Variants in RASGRP3 observed in about 807,000 individuals in gnomAD.
The protein encoded by RASGRP3 is ras guanyl-releasing protein 3.
Under a neutral mutation model 82.7 loss-of-function variants are expected in RASGRP3, and 54 were observed. That is an observed-to-expected ratio of 0.65 (90% CI 0.52 to 0.82). RASGRP3 has a LOEUF of 0.82. Ranked by LOEUF, RASGRP3 falls within the 40% of genes least tolerant of loss-of-function variation. RASGRP3 has a pLI of 0.00. For missense variants in RASGRP3, 861 were observed against 828.9 expected (o/e 1.04, Z -0.48); for synonymous variants, 309 against 300.5 (o/e 1.03, Z -0.29).
At chr2:33,474,256 G>A (rs1667227427), upstream of RASGRP3, among the ~76,000 whole-genome samples, 2 of 152,158 alleles carry the variant, frequency 1.3e-5, no homozygotes, top group Non-Finnish European at 2.9e-5. Flanking sequence ...GGAAGTGATT[G>A]GATCTTAGGG....
At chr2:33,548,569 G>C (rs1486918553) in intron 13 of RASGRP3, among the ~76,000 whole-genome samples, 1 of 152,020 alleles carries the variant, frequency 6.6e-6, no homozygotes, top group African/African-American at 2.4e-5. Context: ...CTCTTCCTCT[G>C]AGAGAGGACT....
intron 1 of RASGRP3, among the ~76,000 whole-genome samples, chr2:33,503,771 A>T (rs1349326482): frequency 2.0e-5 from 3 of 152,224 alleles, no homozygotes; most frequent in Admixed American, 1.3e-4. Context: ...AACATAGTAC[A>T]GTTTCTCTTA....
rs1677041754 is a variant in RASGRP3 at position 33,564,580 on chromosome 2, T to C, written c.*1843T>C. 6.6e-6 allele frequency: 1 copy of C among 152,230 alleles called. No individual in the cohort carries two copies. Among genetic ancestry groups the C allele is most frequent in the East Asian group, 1.9e-4 (1 of 5,202 alleles). 9.4% of individuals were successfully genotyped at this position (152,230 alleles called of 1,614,324 possible). Reference sequence around the variant, plus strand: ...CAGGAAGAAACGTGTTAATAAACATTGTACTGTTCTTTTGCTTCTCAAAGG... The same window carrying C: ...CAGGAAGAAACGTGTTAATAAACATCGTACTGTTCTTTTGCTTCTCAAAGG... On this transcript the variant is annotated 3_prime_UTR_variant, in exon 18 of 18. Coordinates refer to ENST00000403687, the MANE Select transcript of RASGRP3 (RefSeq NM_001139488.2).
At position 33,529,487 on chromosome 2, in the gene RASGRP3, C is replaced by A. The variant is rs200743288; in HGVS notation, c.1083+2075C>A. On this transcript the variant is annotated intron_variant, in intron 10 of 17. Transcript: ENST00000403687. ...TGGGCGACAGAGCGAGACTCCATCT[C>A]AAAAAAAAAAAAATTCAGGAGTACA... 2.6e-3 allele frequency among the ~76,000 whole-genome samples: 147 copies of A among 56,996 alleles called. 5 individuals are homozygous for A. The highest frequency in any genetic ancestry group is 0.013 in the Middle Eastern group (1 of 78). The allele number at this position is 56,996 out of a possible 152,430, so 37.4% of individuals were successfully genotyped here.
chr2:33,540,033 G>A (rs1674096527), intron 12 of RASGRP3: 1 of 152,008 alleles, frequency 6.6e-6, no homozygotes, highest in Non-Finnish European at 1.5e-5. Flanking sequence ...GAGTAGAAGT[G>A]CCGATGGGGG....
At chr2:33,522,647 T>C (rs893016709) in intron 7 of RASGRP3, among the ~76,000 whole-genome samples, 1 of 152,214 alleles carries the variant, frequency 6.6e-6, no homozygotes, top group Non-Finnish European at 1.5e-5. Flanking sequence ...TTTCTTTCTC[T>C]GGTCTGTGAT....
At chr2:33,484,808 C>G (rs1035999822) in intron 1 of RASGRP3, among the ~76,000 whole-genome samples, 3 of 152,282 alleles carry the variant, frequency 2.0e-5, no homozygotes, top group African/African-American at 7.2e-5. Flanking sequence ...TAGAAGGTCA[C>G]AAGCCAGTGA....
chr2:33,496,335 C>T (rs1409321134), intron 1 of RASGRP3, among the ~76,000 whole-genome samples: 1 of 152,168 alleles, frequency 6.6e-6, no homozygotes, highest in Non-Finnish European at 1.5e-5. Context: ...ACATCAGAGC[C>T]AGAGTTCTTG....
intron 17 of RASGRP3, 120 bp downstream of exon 17, chr2:33,559,150 G>A (rs192930441): frequency 1.2e-6 from 1 of 808,300 alleles, no homozygotes; most frequent in Admixed American, 2.9e-5. Flanking sequence ...GGTTGGGAAT[G>A]AAGACATGTA....
At chr2:33,508,300 T>G (rs1367428651) in intron 1 of RASGRP3, among the ~76,000 whole-genome samples, 2 of 152,100 alleles carry the variant, frequency 1.3e-5, no homozygotes, top group African/African-American at 4.8e-5. Context: ...CTTCTAGATA[T>G]CCATTACGGA....
chr2:33,442,527 C>CA (rs1408061176), intron 1 of RASGRP3, among the ~76,000 whole-genome samples: 2 of 152,204 alleles, frequency 1.3e-5, no homozygotes, highest in African/African-American at 2.4e-5. Context: ...TCATGGCTGA[C>CA]AATATGTTCA....
chr2:33,470,321 T>G (rs1000397162), intron 2 of RASGRP3, among the ~76,000 whole-genome samples: 1 of 152,138 alleles, frequency 6.6e-6, no homozygotes, highest in Non-Finnish European at 1.5e-5. Flanking sequence ...TATTCACTTT[T>G]TTTATTCCTA....
chr2:33,450,116 T>A (rs112178609), intron 2 of RASGRP3, among the ~76,000 whole-genome samples: 5 of 152,184 alleles, frequency 3.3e-5, no homozygotes, highest in African/African-American at 9.7e-5. Context: ...ATTAAGATAT[T>A]GACAAACTAA....
intron 2 of RASGRP3, among the ~76,000 whole-genome samples, chr2:33,459,153 G>A (rs570052335): frequency 6.6e-6 from 1 of 151,878 alleles, no homozygotes; most frequent in Non-Finnish European, 1.5e-5. Context: ...TTGAGATGGA[G>A]TCTCGCTCTG....
chr2:33,501,863 G>A (rs1669904126), intron 1 of RASGRP3, among the ~76,000 whole-genome samples: 1 of 152,194 alleles, frequency 6.6e-6, no homozygotes, highest in African/African-American at 2.4e-5. Context: ...CCAACCAAAA[G>A]GAGAATTTAA....
At chr2:33,554,055 T>A (rs1400928024) in intron 14 of RASGRP3, among the ~76,000 whole-genome samples, 3 of 152,172 alleles carry the variant, frequency 2.0e-5, no homozygotes, top group African/African-American at 7.2e-5. Context: ...CATTTTAATA[T>A]GTATTCTGAA....
intron 14 of RASGRP3, among the ~76,000 whole-genome samples, chr2:33,551,277 C>T (rs1675332339): frequency 6.6e-6 from 1 of 152,118 alleles, no homozygotes; most frequent in South Asian, 2.1e-4. Flanking sequence ...CATGCCACTG[C>T]ACTCCAGCCT....
intron 6 of RASGRP3, 114 bp from the exon 7 acceptor site, chr2:33,521,841 A>C: frequency 3.2e-6 from 4 of 1,258,512 alleles, no homozygotes; most frequent in Non-Finnish European, 4.4e-6. Context: ...CAGGGCATGT[A>C]TTTTGCACAA....
chr2:33,439,221 A>C (rs562702295), intron 1 of RASGRP3, among the ~76,000 whole-genome samples: 16 of 152,264 alleles, frequency 1.1e-4, no homozygotes, highest in East Asian at 1.9e-4. Context: ...ACTCAATGTT[A>C]AGTTGAAAAA....
Sources: allele counts gnomAD v4.1 joint callset (sites outside exome capture counted in the v4.1 genomes callset), GRCh38; gene constraint gnomAD v4.1.1; transcripts MANE v1.5; gene names NCBI Gene and HGNC (gene_info 2026-07-23, HGNC 2026-07-21).